Variants in SLC25A21 observed in about 807,000 individuals in gnomAD.
SLC25A21 encodes mitochondrial 2-oxodicarboxylate carrier.
A neutral mutation model predicts 43.8 loss-of-function variants in SLC25A21; 47 were observed. The observed-to-expected ratio is 1.07, with a 90% CI of 0.85 to 1.37. SLC25A21 has a LOEUF of 1.37. Ranked by LOEUF, SLC25A21 falls within the 40% of genes most tolerant of loss-of-function variation. SLC25A21 has a pLI of 0.00. For synonymous variants in SLC25A21, 131 were observed against 121.3 expected (o/e 1.08, Z -0.52); for missense variants, 352 against 350.2 (o/e 1.00, Z -0.04).
chr14:36,885,698 CAG>C, intron 1 of SLC25A21, among the ~76,000 whole-genome samples: 1 of 152,236 alleles, frequency 6.6e-6, no homozygotes, highest in Non-Finnish European at 1.5e-5. Flanking sequence ...GTAAGCAAAA[CAG>C]AGGAATTATG....
At position 36,738,325 on chromosome 14, in the gene SLC25A21, T is replaced by C. The variant is rs1386868250; in HGVS notation, c.204-3752A>G. Reference sequence around the variant, plus strand: ...TTTATGAAGCAGATACTTTTTTTTTTCTGCAAAAGAACTGATGTTTATATT... The same window carrying C: ...TTTATGAAGCAGATACTTTTTTTTTCCTGCAAAAGAACTGATGTTTATATT... On this transcript the variant is annotated intron_variant, in intron 3 of 9. Transcript: ENST00000331299. Among the ~76,000 whole-genome samples, 6 of 152,338 alleles carry C rather than the reference T, an allele frequency of 3.9e-5. No individual in the cohort carries two copies. The South Asian group carries it at 1.0e-3, about 26-fold the overall frequency.
intron 1 of SLC25A21, among the ~76,000 whole-genome samples, chr14:37,020,801 GA>G (rs1350614995): frequency 6.6e-6 from 1 of 151,854 alleles, no homozygotes; most frequent in Non-Finnish European, 1.5e-5. Context: ...TTTTATTCTT[GA>G]TAAATTATTA....
chr14:36,994,467 CAT>C (rs1341477423), intron 1 of SLC25A21, among the ~76,000 whole-genome samples: 2 of 152,136 alleles, frequency 1.3e-5, no homozygotes, highest in Admixed American at 6.6e-5. Flanking sequence ...TTTGTTTCCA[CAT>C]GTTTACTTAA....
chr14:37,112,474 A>G (rs910294968), intron 1 of SLC25A21, among the ~76,000 whole-genome samples: 1 of 152,222 alleles, frequency 6.6e-6, no homozygotes, highest in African/African-American at 2.4e-5. Context: ...GTCCTCCAAT[A>G]TTCATTCTCC....
chr14:37,109,681 A>G (rs2138875646), intron 1 of SLC25A21, among the ~76,000 whole-genome samples: 1 of 152,312 alleles, frequency 6.6e-6, no homozygotes, highest in African/African-American at 2.4e-5. Flanking sequence ...GCCCATGCAC[A>G]ATCTAGTCGC....
intron 1 of SLC25A21, among the ~76,000 whole-genome samples, chr14:37,162,155 G>C (rs1439464105): frequency 6.6e-6 from 1 of 152,088 alleles, no homozygotes; most frequent in East Asian, 1.9e-4. Flanking sequence ...GTCTCCAGAA[G>C]GAGCCAACCC....
At chr14:37,012,018 G>A (rs968940372) in intron 1 of SLC25A21, among the ~76,000 whole-genome samples, 4 of 151,994 alleles carry the variant, frequency 2.6e-5, no homozygotes, top group African/African-American at 7.3e-5. Flanking sequence ...TGACCAGACC[G>A]GAAGAACCAA....
At chr14:37,160,987 GA>G (rs935805532) in intron 1 of SLC25A21, among the ~76,000 whole-genome samples, 1 of 68,612 alleles carries the variant, frequency 1.5e-5, no homozygotes, top group African/African-American at 5.0e-5. Context: ...AGGGGGTGGG[GA>G]AAAGGGGGGG....
intron 1 of SLC25A21, among the ~76,000 whole-genome samples, chr14:37,029,956 G>C (rs1434987992): frequency 6.6e-6 from 1 of 151,732 alleles, no homozygotes; most frequent in Non-Finnish European, 1.5e-5. Context: ...GTAGAGATGA[G>C]ATTTCACTAT....
intron 1 of SLC25A21, among the ~76,000 whole-genome samples, chr14:37,153,239 G>A (rs1398497946): frequency 1.3e-5 from 2 of 152,212 alleles, no homozygotes; most frequent in East Asian, 1.9e-4. Flanking sequence ...GAAGCTACAG[G>A]AAGGTGCCAT....
intron 1 of SLC25A21, among the ~76,000 whole-genome samples, chr14:37,007,213 C>T (rs7150211): frequency 0.17 from 25,127 of 152,172 alleles, 2,453 homozygotes; most frequent in South Asian, 0.22. Context: ...TAACAATAGT[C>T]GGCCAGATTA....
At chr14:36,764,640 A>T (rs897835753) in intron 3 of SLC25A21, among the ~76,000 whole-genome samples, 21 of 148,406 alleles carry the variant, frequency 1.4e-4, no homozygotes, top group Non-Finnish European at 3.0e-5. Flanking sequence ...AAAACCACGC[A>T]TGCCCACATA....
chr14:37,046,926 C>T (rs1961599188), intron 1 of SLC25A21, among the ~76,000 whole-genome samples: 2 of 152,180 alleles, frequency 1.3e-5, no homozygotes, highest in Admixed American at 1.3e-4. Context: ...CTGAGTCTGT[C>T]TTAAATACAA....
chr14:37,152,313 G>T (rs2138935820), intron 1 of SLC25A21, among the ~76,000 whole-genome samples: 1 of 151,672 alleles, frequency 6.6e-6, no homozygotes, highest in Non-Finnish European at 1.5e-5. Flanking sequence ...TCTGATATTA[G>T]TTTCAAAATA....
intron 2 of SLC25A21, among the ~76,000 whole-genome samples, chr14:36,856,906 T>C (rs1308551921): frequency 1.3e-5 from 2 of 152,200 alleles, no homozygotes; most frequent in Non-Finnish European, 2.9e-5. Context: ...TTCATGTAAT[T>C]TGGGAACCTT....
chr14:36,783,355 C>A (rs1887140725), intron 3 of SLC25A21, among the ~76,000 whole-genome samples: 1 of 151,964 alleles, frequency 6.6e-6, no homozygotes, highest in Non-Finnish European at 1.5e-5. Context: ...ATCAGCAAGC[C>A]CCCTGATAGA....
intron 1 of SLC25A21, among the ~76,000 whole-genome samples, chr14:37,027,684 A>G (rs1463991466): frequency 2.6e-5 from 4 of 152,210 alleles, no homozygotes; most frequent in Admixed American, 6.5e-5. Context: ...TTTGTCTTCT[A>G]CAGTAATGAA....
intron 9 of SLC25A21, among the ~76,000 whole-genome samples, chr14:36,683,487 C>A (rs1295823199): frequency 1.3e-5 from 2 of 152,162 alleles, no homozygotes; most frequent in African/African-American, 4.8e-5. Flanking sequence ...CTGGGCTGGT[C>A]CCTCACTCAG....
intron 1 of SLC25A21, among the ~76,000 whole-genome samples, chr14:36,958,486 T>G (rs905552138): frequency 2.0e-5 from 3 of 152,294 alleles, no homozygotes; most frequent in Admixed American, 6.5e-5. Context: ...CTTTACACAA[T>G]GAATACCAAG....
Sources: gnomAD v4.1 joint callset for allele counts (sites outside exome capture counted in the v4.1 genomes callset) on GRCh38, gnomAD v4.1.1 for gene constraint, MANE v1.5 for transcripts, NCBI Gene and HGNC (gene_info 2026-07-23, HGNC 2026-07-21) for gene names.